Variants in SCAMP1 observed in about 807,000 individuals in gnomAD.
SCAMP1 encodes the protein secretory carrier-associated membrane protein 1.
A neutral mutation model predicts 41.8 loss-of-function variants in SCAMP1; 15 were observed. That is an observed-to-expected ratio of 0.36 (90% CI 0.24 to 0.55). The LOEUF is 0.55. Ranked by LOEUF, SCAMP1 falls within the 20% of genes least tolerant of loss-of-function variation. SCAMP1 has a pLI of 0.86. For synonymous variants in SCAMP1, 135 were observed against 136.8 expected (o/e 0.99, Z 0.09); for missense variants, 341 against 412.6 (o/e 0.83, Z 1.50).
chr5:78,466,020 A>G (rs1202518852), intron 8 of SCAMP1, among the ~76,000 whole-genome samples: 1 of 152,218 alleles, frequency 6.6e-6, no homozygotes, highest in Non-Finnish European at 1.5e-5. Flanking sequence ...ATAATTGGAG[A>G]CTGCGGCCTA....
intron 1 of SCAMP1, among the ~76,000 whole-genome samples, chr5:78,372,208 A>G (rs1750959388): frequency 6.6e-6 from 1 of 152,228 alleles, no homozygotes; most frequent in Admixed American, 6.5e-5. Flanking sequence ...TAGAATTCTT[A>G]TATGATAATT....
Position 78,364,445 on chromosome 5 carries a change from A to G in SCAMP1, c.57+3717A>G, listed in dbSNP as rs772052141. 8.2e-4 allele frequency among the ~76,000 whole-genome samples: 125 copies of G among 152,156 alleles called. 3 individuals carry two copies. Among genetic ancestry groups the G allele is most frequent in the Non-Finnish European group, 2.5e-4 (17 of 68,026 alleles). On this transcript the variant is annotated intron_variant, in intron 1 of 8. Coordinates refer to ENST00000621999, the MANE Select transcript of SCAMP1 (RefSeq NM_004866.6). ...TTAGAATTTCACAGCTGGGGGGGCAAATTCTTAAAATATATTCAGTCAGAT... is the reference window on the plus strand; with the variant it reads ...TTAGAATTTCACAGCTGGGGGGGCAGATTCTTAAAATATATTCAGTCAGAT...
At chr5:78,431,659 T>C (rs1340133004) in intron 6 of SCAMP1, among the ~76,000 whole-genome samples, 1 of 151,656 alleles carries the variant, frequency 6.6e-6, no homozygotes, top group Admixed American at 6.6e-5. Flanking sequence ...TATATGTCTC[T>C]AATCATAGTC....
Position 78,477,749 on chromosome 5 carries a change from A to G in SCAMP1, c.*2081A>G, listed in dbSNP as rs746824061. ...AAATGTTTTAAAATCCAGTTATTTA[A>G]TATGAGTTTGAGAGAGAAAATTGTT... On this transcript the variant is annotated 3_prime_UTR_variant, in exon 9 of 9. Coordinates refer to ENST00000621999, the MANE Select transcript of SCAMP1 (RefSeq NM_004866.6). The G allele has an allele frequency of 6.6e-6, 1 of 152,198 alleles. No individual in the cohort carries two copies. The highest frequency in any genetic ancestry group is 6.5e-5 in the Admixed American group (1 of 15,284). 9.4% of individuals were successfully genotyped at this position (152,198 alleles called of 1,614,324 possible).
chr5:78,397,602 A>G (rs1019333561), intron 2 of SCAMP1, among the ~76,000 whole-genome samples: 1 of 152,204 alleles, frequency 6.6e-6, no homozygotes, highest in African/African-American at 2.4e-5. Context: ...CAGAATATAT[A>G]TTAAATTATT....
chr5:78,422,356 T>C (rs953297920), intron 6 of SCAMP1, among the ~76,000 whole-genome samples: 4 of 151,840 alleles, frequency 2.6e-5, no homozygotes, highest in African/African-American at 9.7e-5. Flanking sequence ...AAGGTAAATA[T>C]ACATGCAATA....
intron 1 of SCAMP1, among the ~76,000 whole-genome samples, chr5:78,385,018 G>A (rs1447894569): frequency 2.0e-5 from 3 of 152,146 alleles, no homozygotes; most frequent in Non-Finnish European, 4.4e-5. Context: ...GTGCCAATAG[G>A]ATTGATACCA....
At chr5:78,367,659 G>T (rs901067381) in intron 1 of SCAMP1, among the ~76,000 whole-genome samples, 5 of 152,192 alleles carry the variant, frequency 3.3e-5, no homozygotes, top group Admixed American at 3.3e-4. Flanking sequence ...CAAGCAATAG[G>T]CTCCACTTCT....
At chr5:78,450,495 G>A (rs961319960) in intron 7 of SCAMP1, among the ~76,000 whole-genome samples, 3 of 152,116 alleles carry the variant, frequency 2.0e-5, no homozygotes, top group Admixed American at 6.5e-5. Context: ...CTGCACACAC[G>A]TTATATACAT....
intron 8 of SCAMP1, among the ~76,000 whole-genome samples, chr5:78,467,720 A>G (rs73135744): frequency 0.028 from 4,330 of 152,270 alleles, 221 homozygotes; most frequent in African/African-American, 0.097. Context: ...GATTTTCTGT[A>G]TGATTTTATG....
At chr5:78,457,344 G>A (rs1753439078) in intron 7 of SCAMP1, among the ~76,000 whole-genome samples, 1 of 152,000 alleles carries the variant, frequency 6.6e-6, no homozygotes. Flanking sequence ...TGATGATGGT[G>A]ATGTACAGAT....
intron 7 of SCAMP1, among the ~76,000 whole-genome samples, chr5:78,454,442 A>G (rs1383786963): frequency 6.6e-6 from 1 of 151,598 alleles, no homozygotes; most frequent in Non-Finnish European, 1.5e-5. Flanking sequence ...TGAGATAATC[A>G]TGTGGTTTTT....
chr5:78,479,820 A>C lies in SCAMP1; in HGVS notation c.*4152A>C, dbSNP rs1196229393. ...CACTTTGGGAGGCCAAGGTGGGCGG[A>C]TCACGAGGTCAGGAGATCGAAACCA... On this transcript the variant is annotated 3_prime_UTR_variant, in exon 9 of 9. Coordinates refer to ENST00000621999, the MANE Select transcript of SCAMP1 (RefSeq NM_004866.6). Among the ~76,000 whole-genome samples, 2 of 152,166 alleles carry C rather than the reference A, an allele frequency of 1.3e-5. No homozygotes were observed. Among genetic ancestry groups the C allele is most frequent in the African/African-American group, 4.8e-5 (2 of 41,426 alleles).
At chr5:78,416,989 G>A (rs1752226376) in intron 4 of SCAMP1, among the ~76,000 whole-genome samples, 1 of 152,178 alleles carries the variant, frequency 6.6e-6, no homozygotes, top group Non-Finnish European at 1.5e-5. Flanking sequence ...ACATTTGCAT[G>A]TACCCTACAT....
At chr5:78,413,946 TTC>T (rs775211445) in intron 2 of SCAMP1, among the ~76,000 whole-genome samples, 2 of 152,044 alleles carry the variant, frequency 1.3e-5, no homozygotes, top group African/African-American at 4.8e-5. Flanking sequence ...TCCCTCCCTC[TTC>T]TCTTTCTTTC....
At chr5:78,407,819 CATT>C (rs1451796271) in intron 2 of SCAMP1, among the ~76,000 whole-genome samples, 1 of 151,942 alleles carries the variant, frequency 6.6e-6, no homozygotes, top group East Asian at 1.9e-4. Flanking sequence ...ATTTAAAAGT[CATT>C]ATTATAGTTT....
At chr5:78,369,436 G>T (rs949053862) in intron 1 of SCAMP1, among the ~76,000 whole-genome samples, 3 of 152,128 alleles carry the variant, frequency 2.0e-5, no homozygotes, top group Non-Finnish European at 2.9e-5. Flanking sequence ...AAGTAAGTTT[G>T]CAGTGTTATG....
intron 7 of SCAMP1, among the ~76,000 whole-genome samples, chr5:78,454,806 CT>C (rs1383790669): frequency 6.6e-6 from 1 of 152,216 alleles, no homozygotes; most frequent in African/African-American, 2.4e-5. Flanking sequence ...GTGAATCCAT[CT>C]GGTCCTGGAC....
chr5:78,461,721 G>T (rs6453392), intron 8 of SCAMP1, among the ~76,000 whole-genome samples: 68,755 of 151,776 alleles, frequency 0.45, 16,355 homozygotes, highest in Non-Finnish European at 0.51. Context: ...GAACCACCAT[G>T]CCTGGCTGAT....
Sources: gnomAD v4.1 joint callset for allele counts (sites outside exome capture counted in the v4.1 genomes callset) on GRCh38, gnomAD v4.1.1 for gene constraint, MANE v1.5 for transcripts, NCBI Gene and HGNC (gene_info 2026-07-23, HGNC 2026-07-21) for gene names.